MGAT4C: variants seen among roughly 807,000 people sequenced by gnomAD.
MGAT4C encodes the protein alpha-1,3-mannosyl-glycoprotein 4-beta-N-acetylglucosaminyltransferase C.
Under a neutral mutation model 40.1 loss-of-function variants are expected in MGAT4C, and 19 were observed. The observed-to-expected ratio is 0.47, with a 90% CI of 0.33 to 0.70. MGAT4C has a LOEUF of 0.70. Ranked by LOEUF, MGAT4C falls within the 30% of genes least tolerant of loss-of-function variation. The probability of loss-of-function intolerance (pLI) is 0.02; values close to 1 mark genes in which losing one functional copy is unlikely to be tolerated. For synonymous variants in MGAT4C, 181 were observed against 187.1 expected, an observed-to-expected ratio of 0.97 and a Z score of 0.27; for missense variants, 491 against 563.2, an observed-to-expected ratio of 0.87 and a Z score of 1.30.
intron 4 of MGAT4C, among the ~76,000 whole-genome samples, chr12:86,315,017 GA>G (rs34195872): frequency 4.0e-5 from 6 of 150,622 alleles, no homozygotes; most frequent in African/African-American, 9.8e-5. Flanking sequence ...ATATAGAACT[GA>G]AAAAAAACAA....
At chr12:86,116,547 T>C (rs999168238) in intron 1 of MGAT4C, among the ~76,000 whole-genome samples, 1 of 151,970 alleles carries the variant, frequency 6.6e-6, no homozygotes, top group African/African-American at 2.4e-5. Context: ...ACAGAAGAAA[T>C]ACCCTAGATT....
chr12:86,227,894 T>A (rs1299633087), intron 1 of MGAT4C, among the ~76,000 whole-genome samples: 1 of 151,918 alleles, frequency 6.6e-6, no homozygotes, highest in Non-Finnish European at 1.5e-5. Flanking sequence ...ATAAACCAGA[T>A]TCTTTCCCCA....
intron 2 of MGAT4C, among the ~76,000 whole-genome samples, chr12:86,478,702 A>T (rs992429732): frequency 1.3e-5 from 2 of 152,084 alleles, no homozygotes; most frequent in Non-Finnish European, 2.9e-5. Flanking sequence ...AATCTTTCTC[A>T]AGATCATAGT....
intron 2 of MGAT4C, among the ~76,000 whole-genome samples, chr12:86,023,884 G>A (rs1294900788): frequency 1.3e-5 from 2 of 151,644 alleles, no homozygotes; most frequent in Non-Finnish European, 1.5e-5. Flanking sequence ...AGAAACTTGA[G>A]AAATGATTTT....
At chr12:86,224,794 T>C (rs1454761191) in intron 1 of MGAT4C, among the ~76,000 whole-genome samples, 2 of 152,120 alleles carry the variant, frequency 1.3e-5, no homozygotes, top group East Asian at 3.9e-4. Flanking sequence ...AAGGCAGTGT[T>C]AAGAGGAAAG....
chr12:86,164,887 C>A (rs1479646370), intron 1 of MGAT4C, among the ~76,000 whole-genome samples: 1 of 152,002 alleles, frequency 6.6e-6, no homozygotes, highest in African/African-American at 2.4e-5. Context: ...TTATTAAAAT[C>A]CCTCAATTTC....
intron 1 of MGAT4C, among the ~76,000 whole-genome samples, chr12:86,214,533 T>G (rs1203608840): frequency 6.6e-6 from 1 of 152,206 alleles, no homozygotes; most frequent in Non-Finnish European, 1.5e-5. Flanking sequence ...TTCTGGATGC[T>G]GAAAAGATCA....
At chr12:86,819,236 TA>T (rs1195079094) in intron 1 of MGAT4C, among the ~76,000 whole-genome samples, 1 of 150,822 alleles carries the variant, frequency 6.6e-6, no homozygotes, top group Admixed American at 6.6e-5. Context: ...AAATGAGAAA[TA>T]AAAAACTGAA....
At chr12:86,094,362 GA>G in intron 1 of MGAT4C, among the ~76,000 whole-genome samples, 1 of 152,266 alleles carries the variant, frequency 6.6e-6, no homozygotes, top group South Asian at 2.1e-4. Context: ...GGGTGGAAAG[GA>G]AGTTGTCATG....
At chr12:86,153,924 T>C (rs1884607331) in intron 1 of MGAT4C, among the ~76,000 whole-genome samples, 1 of 152,200 alleles carries the variant, frequency 6.6e-6, no homozygotes, top group African/African-American at 2.4e-5. Flanking sequence ...TGAGCATTTT[T>C]TTCTTTCTCT....
At chr12:86,484,213 G>A (rs1957981319) in intron 2 of MGAT4C, among the ~76,000 whole-genome samples, 1 of 152,120 alleles carries the variant, frequency 6.6e-6, no homozygotes, top group South Asian at 2.1e-4. Context: ...AGGAGCTTCT[G>A]TGTTCTGAGG....
upstream of MGAT4C, among the ~76,000 whole-genome samples, chr12:86,256,920 T>C (rs1952536696): frequency 6.6e-6 from 1 of 152,216 alleles, no homozygotes; most frequent in African/African-American, 2.4e-5. Context: ...AATCTTCTAA[T>C]AAAACCACAA....
intron 1 of MGAT4C, among the ~76,000 whole-genome samples, chr12:86,823,145 T>C (rs113156775): frequency 2.7e-5 from 4 of 149,808 alleles, no homozygotes; most frequent in Admixed American, 1.3e-4. Flanking sequence ...AGAAAGTTTA[T>C]TGAGATAAAT....
chr12:86,324,006 GTAAAAATGAAACTTCAATTAGTT>G (rs1423778158), intron 4 of MGAT4C, among the ~76,000 whole-genome samples: 1 of 151,890 alleles, frequency 6.6e-6, no homozygotes, highest in Non-Finnish European at 1.5e-5. Flanking sequence ...AAAACTGGAA[GTAAAAATGAAACTTCAATTAGTT>G]TTATTTTTTC....
chr12:86,494,206 C>A (rs78859731), intron 2 of MGAT4C, among the ~76,000 whole-genome samples: 6,420 of 151,758 alleles, frequency 0.042, 190 homozygotes, highest in Middle Eastern at 0.094. Flanking sequence ...TTGAATATGT[C>A]TTTGAAAGAT....
intron 2 of MGAT4C, among the ~76,000 whole-genome samples, chr12:86,477,261 G>A (rs1403670780): frequency 1.3e-5 from 2 of 151,784 alleles, no homozygotes; most frequent in Non-Finnish European, 2.9e-5. Flanking sequence ...GTTATTTGCA[G>A]TGACATGAAT....
chr12:86,259,996 T>TGGTTAAAA (rs1952627132), upstream of MGAT4C, among the ~76,000 whole-genome samples: 1 of 152,046 alleles, frequency 6.6e-6, no homozygotes. Flanking sequence ...GCTAACCAAT[T>TGGTTAAAA]TTAATGTAGG....
At position 86,545,975 on chromosome 12, in the gene MGAT4C, T is replaced by C. The variant is rs532874566; in HGVS notation, c.-228-110710A>G. On this transcript the variant is annotated intron_variant, in intron 2 of 7. Transcript: ENST00000548651. ...AAGATTATATTTTTTCTTATCATGA[T>C]ATAAAATTACCAGAAACATTTTAAA... Among the ~76,000 whole-genome samples the C allele has an allele frequency of 2.0e-5, 3 of 152,100 alleles. No homozygotes were observed. In the East Asian group the frequency reaches 5.8e-4, roughly 29 times the overall value.
chr12:86,014,124 A>G (rs61931073), intron 2 of MGAT4C, among the ~76,000 whole-genome samples: 24,118 of 152,074 alleles, frequency 0.16, 2,263 homozygotes, highest in African/African-American at 0.27. Context: ...CATAATTAGA[A>G]ACATGCCAAA....
Sources: gnomAD v4.1 joint callset for allele counts (sites outside exome capture counted in the v4.1 genomes callset) on GRCh38, gnomAD v4.1.1 for gene constraint, MANE v1.5 for transcripts, NCBI Gene and HGNC (gene_info 2026-07-23, HGNC 2026-07-21) for gene names.